The following CEP295 variants were observed in gnomAD, a reference collection of about 807,000 sequenced individuals.
CEP295 encodes centrosomal protein of 295 kDa.
CEP295 carries 190 observed loss-of-function variants against 291.6 expected under a neutral mutation model. The observed-to-expected ratio is 0.65, with a 90% CI of 0.58 to 0.73. The LOEUF is 0.73. Among genes scored for constraint, CEP295 ranks in the 30% least tolerant of loss-of-function variants. The pLI is 0.00. For missense variants in CEP295, 2,863 were observed against 2,949.4 expected, an observed-to-expected ratio of 0.97 and a Z score of 0.68; for synonymous variants, 993 against 1,038.8, an observed-to-expected ratio of 0.96 and a Z score of 0.85.
rs368314987 is a variant in CEP295, at chr11:93,730,105, A to C, written c.7724A>C (p.Glu2575Ala). 1.0e-4 allele frequency: 160 copies of C among 1,551,246 alleles called. No individual in the cohort carries two copies. The highest frequency in any genetic ancestry group is 1.2e-4 in the Non-Finnish European group (138 of 1,146,912). Residue 2575 changes from glutamate to alanine, a missense_variant, in exon 29 of 30, where the codon GAA becomes GCA. Transcript: ENST00000325212. ...CAAAAGGAAGAAAAAACAAAACAAG[A>C]AGCTTATGCCCAAAACAGAGCAAGG... is the stretch of plus-strand genomic sequence containing the variant. ...KQQKEEKTKQ[E>A]AYAQNRARAK...
chr11:93,728,118 A>C, intron 24 of CEP295: 1 of 155,838 alleles, frequency 6.4e-6, no homozygotes, highest in Non-Finnish European at 1.4e-5. Context: ...GCAACTTATA[A>C]TCTGCTTGCT....
At chr11:93,710,918 T>C (rs1952849697) in intron 18 of CEP295, among the ~76,000 whole-genome samples, 1 of 152,210 alleles carries the variant, frequency 6.6e-6, no homozygotes, top group African/African-American at 2.4e-5. Flanking sequence ...TAGTAGTCTC[T>C]AACGATCCTT....
rs536047501 is a variant in CEP295, at chr11:93,729,884, C to T, written c.7582C>T (p.Arg2528Cys). 2.0e-5 allele frequency: 31 copies of T among 1,547,840 alleles called. No individual in the cohort carries two copies. The highest frequency in any genetic ancestry group is 1.4e-4 in the African/African-American group (10 of 72,682). Residue 2528 changes from arginine (R) to cysteine (C), a missense_variant, in exon 28 of 30, where the codon CGT becomes TGT. Around this residue, in one of 3 missense-constraint regions of CEP295, gnomAD observed 2,295 missense variants for 2,335.7 expected, o/e 0.98. Transcript: ENST00000325212. ...TCTTTCCTCAGGTTCATCTGTGAGT[C>T]GTCTAAAGGGCGTGAATAAAGTCAG... Reference protein sequence around the residue: ...EKPSISSSVSRLKGVNKVRAS... With the variant: ...EKPSISSSVSCLKGVNKVRAS...
At chr11:93,687,061 G>A (rs1179748043) in intron 9 of CEP295, among the ~76,000 whole-genome samples, 1 of 152,214 alleles carries the variant, frequency 6.6e-6, no homozygotes, top group Non-Finnish European at 1.5e-5. Context: ...ATGGGAAAAT[G>A]TTTGAAGAAA....
At position 93,699,265 on chromosome 11, in the gene CEP295, TCAA is replaced by T; in HGVS notation, c.4357_4359del (p.Gln1453del). The T allele has an allele frequency of 3.2e-6, 5 of 1,551,442 alleles. No individual in the cohort carries two copies. The highest frequency in any genetic ancestry group is 4.4e-6 in the Non-Finnish European group (5 of 1,146,608). On this transcript the variant is annotated inframe_deletion, in exon 15 of 30. Coordinates refer to ENST00000325212, the MANE Select transcript of CEP295 (RefSeq NM_033395.2). ...TGGGTTTATCACATCTTGTTTTACC[TCAA>T]CAAGATAATTTGATTGCACTTGAAG...
chr11:93,724,862 C>T (rs1478086601), intron 22 of CEP295, among the ~76,000 whole-genome samples: 1 of 152,058 alleles, frequency 6.6e-6, no homozygotes, highest in Non-Finnish European at 1.5e-5. Flanking sequence ...CACCCTAGAC[C>T]AATTAAAGCA....
At position 93,725,673 on chromosome 11, in the gene CEP295, G is replaced by T; in HGVS notation, c.6341G>T (p.Ser2114Ile). ...CAGAGATCAGATTCTTCATCTGAAA[G>T]CCACTGTGCTACTGGATTATCCAAA... ...FYQRSDSSSESHCATGLSKST... is the reference protein window; with the variant it reads ...FYQRSDSSSEIHCATGLSKST... The change falls in exon 23 of 30, where the codon AGC becomes ATC. Residue 2114 changes from serine (S) to isoleucine (I), a missense_variant. By Grantham distance (142) the Ser-to-Ile change is moderately radical (BLOSUM62 -2). Transcript: ENST00000325212. 1 of 1,542,306 alleles carries T rather than the reference G, an allele frequency of 6.5e-7. No homozygotes were observed. Among genetic ancestry groups the T allele is most frequent in the Non-Finnish European group, 8.7e-7 (1 of 1,144,578 alleles).
At chr11:93,704,379 A>C (rs1952386435) in intron 17 of CEP295, among the ~76,000 whole-genome samples, 1 of 152,160 alleles carries the variant, frequency 6.6e-6, no homozygotes, top group African/African-American at 2.4e-5. Flanking sequence ...TAATCCCAGC[A>C]CTTTGGGAGG....
chr11:93,697,245 AC>A lies in CEP295; in HGVS notation c.2335del (p.His779IlefsTer2), dbSNP rs1475426533. 2 of 1,551,740 alleles carry A rather than the reference AC, an allele frequency of 1.3e-6. No individual in the cohort carries two copies. Among genetic ancestry groups the A allele is most frequent in the Non-Finnish European group, 1.7e-6 (2 of 1,146,970 alleles). ...TCAGAGAATAGTGAAAATATATCTT[AC>A]CATTTAACTGAACCTTCTTCATTTG... Reference protein sequence around the residue: ...LFSENSENISYHLTEPSSFVP... With the variant: ...LFSENSENISXHLTEPSSFVP... On this transcript the variant is annotated frameshift_variant, in exon 15 of 30. Transcript: ENST00000325212. LOFTEE classifies it high-confidence loss of function.
intron 12 of CEP295, 77 bp downstream of exon 12, chr11:93,692,107 T>C (rs1951586993): frequency 1.3e-6 from 1 of 783,326 alleles, no homozygotes; most frequent in African/African-American, 1.7e-5. Flanking sequence ...CCAATGAAAT[T>C]TGTCTTAATG....
Position 93,697,263 on chromosome 11 carries a change from CTTCA to C in CEP295, c.2354_2357del (p.Ser785LeufsTer29). 1 of 1,551,750 alleles carries C rather than the reference CTTCA, an allele frequency of 6.4e-7. No homozygotes were observed. The highest frequency in any genetic ancestry group is 1.4e-5 in the African/African-American group (1 of 73,166). On this transcript the variant is annotated frameshift_variant, in exon 15 of 30. Coordinates refer to ENST00000325212, the MANE Select transcript of CEP295 (RefSeq NM_033395.2). LOFTEE classifies it high-confidence loss of function. ...ATATCTTACCATTTAACTGAACCTT[CTTCA>C]TTTGTACCACTGGTACCTCAGCATT...
intron 18 of CEP295, among the ~76,000 whole-genome samples, chr11:93,710,636 T>C (rs1952831094): frequency 6.6e-6 from 1 of 152,260 alleles, no homozygotes; most frequent in African/African-American, 2.4e-5. Context: ...TGGAATGAGT[T>C]TGGAAGTATT....
chr11:93,715,532 C>T (rs188009447), intron 18 of CEP295, among the ~76,000 whole-genome samples: 8 of 152,232 alleles, frequency 5.3e-5, no homozygotes, highest in Admixed American at 1.3e-4. Flanking sequence ...CTTTATTCTT[C>T]CCTCTGCTTT....
intron 12 of CEP295, among the ~76,000 whole-genome samples, chr11:93,692,286 CAG>C (rs929269281): frequency 3.9e-5 from 6 of 152,048 alleles, no homozygotes; most frequent in South Asian, 2.1e-4. Flanking sequence ...TTTTAAAAAG[CAG>C]AGACTATCTT....
intron 18 of CEP295, among the ~76,000 whole-genome samples, chr11:93,716,315 T>C (rs1284454714): frequency 6.6e-6 from 1 of 152,140 alleles, no homozygotes; most frequent in Non-Finnish European, 1.5e-5. Flanking sequence ...CCCCCAAGCA[T>C]ACAGATTCTC....
intron 10 of CEP295, among the ~76,000 whole-genome samples, 163 bp downstream of exon 10, chr11:93,688,028 C>G (rs995423044): frequency 3.3e-5 from 5 of 151,940 alleles, no homozygotes; most frequent in Admixed American, 6.6e-5. Flanking sequence ...GAATCTTCTT[C>G]CGGACCACTT....
In CEP295 at chr11:93,698,352, A is replaced by T; in HGVS notation, c.3440A>T (p.Asp1147Val). 2.6e-6 allele frequency: 4 copies of T among 1,552,216 alleles called. No homozygotes were observed. The highest frequency in any genetic ancestry group is 1.7e-4 in the Middle Eastern group (1 of 5,998). The change falls in exon 15 of 30, where the codon GAT (aspartate) becomes GTT (valine). Residue 1147 changes from aspartate (D) to valine (V), a missense_variant. Around this residue, in one of 3 missense-constraint regions of CEP295, gnomAD observed 2,295 missense variants for 2,335.7 expected, o/e 0.98. Coordinates refer to ENST00000325212, the MANE Select transcript of CEP295 (RefSeq NM_033395.2). ...SCHLIIPTFQ[D>V]KSLSFPQHSL... ...CATTTGATAATCCCAACATTTCAGGATAAGTCTCTTAGTTTTCCACAGCAT... is the reference window on the plus strand; with the variant it reads ...CATTTGATAATCCCAACATTTCAGGTTAAGTCTCTTAGTTTTCCACAGCAT...
chr11:93,697,473 T>C lies in CEP295; in HGVS notation c.2561T>C (p.Leu854Ser). 1.3e-6 allele frequency: 2 copies of C among 1,552,014 alleles called. No homozygotes were observed. The highest frequency in any genetic ancestry group is 1.7e-6 in the Non-Finnish European group (2 of 1,147,054). The stretch of plus-strand genomic sequence containing the variant: ...AATATGAAGGCCCTCCAAGAACAGT[T>C]AGACCTACAGAAGAAAGTTCTTCAG... ...QGNMKALQEQ[L>S]DLQKKVLQAT... is the part of the protein sequence containing the mutation. Residue 854 changes from leucine to serine, a missense_variant, in exon 15 of 30, where the codon TTA becomes TCA. This residue lies in a region of CEP295 where 2,295 missense variants were observed against 2,335.7 expected (regional missense o/e 0.98). Coordinates refer to ENST00000325212, the MANE Select transcript of CEP295 (RefSeq NM_033395.2).
chr11:93,724,018 A>T (rs982673111), intron 21 of CEP295: 5 of 265,066 alleles, frequency 1.9e-5, no homozygotes, highest in Non-Finnish European at 3.5e-5. Flanking sequence ...AAACTTAAAA[A>T]GTTTTGGTCA....
Sources: allele counts gnomAD v4.1 joint callset (sites outside exome capture counted in the v4.1 genomes callset), GRCh38; gene constraint gnomAD v4.1.1; regional missense constraint gnomAD v4.1.1; transcripts MANE v1.5; gene names NCBI Gene and HGNC (gene_info 2026-07-23, HGNC 2026-07-21).